RPS6KA5: variants seen among roughly 807,000 people sequenced by gnomAD.
The protein encoded by RPS6KA5 is ribosomal protein S6 kinase alpha-5.
Under a neutral mutation model 85.5 loss-of-function variants are expected in RPS6KA5, and 27 were observed. The ratio of observed to expected loss-of-function variants is 0.32; its 90% CI spans 0.23 to 0.44. The LOEUF (loss-of-function observed/expected upper bound fraction) is 0.44, where lower values mean the gene tolerates loss of function less well. RPS6KA5 is among the 20% of genes least tolerant of loss of function. RPS6KA5 has a pLI of 1.00. For synonymous variants in RPS6KA5, 334 were observed against 348.2 expected (o/e 0.96, Z 0.46); for missense variants, 811 against 980.9 (o/e 0.83, Z 2.31).
At chr14:90,946,643 G>T (rs1342973832) in intron 4 of RPS6KA5, among the ~76,000 whole-genome samples, 1 of 151,980 alleles carries the variant, frequency 6.6e-6, no homozygotes, top group Admixed American at 6.6e-5. Flanking sequence ...AATATAACAG[G>T]ACAAGGAAGG....
intron 1 of RPS6KA5, among the ~76,000 whole-genome samples, chr14:91,026,423 G>A (rs903257268): frequency 1.3e-5 from 2 of 151,986 alleles, no homozygotes; most frequent in African/African-American, 4.8e-5. Context: ...TAGAGACGAG[G>A]TCTCACAACA....
rs1055623726 is a variant in RPS6KA5 at position 90,871,040 on chromosome 14, T to C, written c.*1034A>G. On this transcript the variant is annotated 3_prime_UTR_variant, in exon 17 of 17. Coordinates refer to ENST00000614987, the MANE Select transcript of RPS6KA5 (RefSeq NM_004755.4). Reference sequence around the variant, plus strand: ...TGATTCTAAAATATTATGTACATAATATATGACTACAGGAGGAAATTCCTC... The same window carrying C: ...TGATTCTAAAATATTATGTACATAACATATGACTACAGGAGGAAATTCCTC... The C allele has an allele frequency of 6.6e-6, 1 of 152,508 alleles. No individual in the cohort carries two copies. Among genetic ancestry groups the C allele is most frequent in the Non-Finnish European group, 1.5e-5 (1 of 68,014 alleles). 9.4% of individuals were successfully genotyped at this position (152,508 alleles called of 1,614,324 possible).
intron 1 of RPS6KA5, among the ~76,000 whole-genome samples, chr14:91,049,329 AGTC>A (rs1359670694): frequency 1.3e-5 from 2 of 152,202 alleles, no homozygotes; most frequent in African/African-American, 4.8e-5. Flanking sequence ...AAAAGAGACA[AGTC>A]GGCCGGGCGC....
intron 3 of RPS6KA5, among the ~76,000 whole-genome samples, chr14:90,952,329 C>A (rs1416237294): frequency 6.6e-6 from 1 of 152,208 alleles, no homozygotes; most frequent in African/African-American, 2.4e-5. Context: ...AATGTTGGTT[C>A]GAGTTCAAGA....
intron 3 of RPS6KA5, among the ~76,000 whole-genome samples, chr14:90,956,096 G>T (rs981433094): frequency 6.6e-5 from 10 of 152,130 alleles, no homozygotes; most frequent in African/African-American, 2.4e-4. Context: ...AGATGACAAA[G>T]TATACAGGGG....
rs2140227886 is a variant in RPS6KA5 at position 90,900,230 on chromosome 14, G to A, written c.1257C>T (p.Phe419=). 6.3e-7 allele frequency: 1 copy of A among 1,586,360 alleles called. No homozygotes were observed. The highest frequency in any genetic ancestry group is 8.6e-7 in the Non-Finnish European group (1 of 1,166,158). The change falls in exon 11 of 17, where the codon TTC becomes TTT. Residue 419 remains phenylalanine, a synonymous_variant. Transcript: ENST00000614987. ...ARSAMMKDSP[F]YQHYDLDLKD... ...TCAAATCTAGGTCATAGTGTTGATA[G>A]AATGGAGAGTCCTGTCAAGAAATCA...
chr14:90,974,872 G>A (rs2039494433), intron 3 of RPS6KA5, among the ~76,000 whole-genome samples: 1 of 152,118 alleles, frequency 6.6e-6, no homozygotes, highest in Admixed American at 6.5e-5. Context: ...AATTTTAGGT[G>A]GTTTGTTATA....
chr14:90,991,762 A>G (rs373241029), intron 2 of RPS6KA5, among the ~76,000 whole-genome samples: 1 of 151,760 alleles, frequency 6.6e-6, no homozygotes. Context: ...GAAGAATCCA[A>G]AAAGAATCCA....
intron 1 of RPS6KA5, among the ~76,000 whole-genome samples, chr14:91,043,767 TCTTCTGTGA>T (rs2042690182): frequency 1.3e-5 from 2 of 152,200 alleles, no homozygotes; most frequent in African/African-American, 4.8e-5. Context: ...TGGTTCACTA[TCTTCTGTGA>T]CTTCTAAGGA....
At chr14:91,039,806 G>A (rs776735832) in intron 1 of RPS6KA5, among the ~76,000 whole-genome samples, 2 of 152,204 alleles carry the variant, frequency 1.3e-5, no homozygotes, top group Non-Finnish European at 2.9e-5. Context: ...CGCACCACAG[G>A]TGTCAAATAC....
At chr14:90,926,930 T>C (rs1156428722) in intron 5 of RPS6KA5, among the ~76,000 whole-genome samples, 1 of 152,066 alleles carries the variant, frequency 6.6e-6, no homozygotes, top group Non-Finnish European at 1.5e-5. Context: ...TAAGTAAATA[T>C]AAACAAGCAC....
chr14:90,883,007 A>C (rs994776658), intron 14 of RPS6KA5, among the ~76,000 whole-genome samples: 9 of 152,114 alleles, frequency 5.9e-5, no homozygotes, highest in Non-Finnish European at 8.8e-5. Context: ...CATGTTGGCC[A>C]GGGTGGTCTT....
chr14:90,957,976 T>C (rs992639096), intron 3 of RPS6KA5, among the ~76,000 whole-genome samples: 1 of 151,324 alleles, frequency 6.6e-6, no homozygotes, highest in Non-Finnish European at 1.5e-5. Flanking sequence ...ACCTCTTCCC[T>C]AGAAAAAAAA....
chr14:90,994,548 T>C (rs1454797845), intron 2 of RPS6KA5, among the ~76,000 whole-genome samples: 1 of 150,958 alleles, frequency 6.6e-6, no homozygotes, highest in Admixed American at 6.6e-5. Flanking sequence ...GCTTTGCTTC[T>C]TGGATGTTTG....
intron 5 of RPS6KA5, among the ~76,000 whole-genome samples, chr14:90,939,206 T>C (rs1020357695): frequency 2.0e-5 from 3 of 152,224 alleles, no homozygotes; most frequent in Non-Finnish European, 4.4e-5. Flanking sequence ...TTACAAGAGT[T>C]ACCTTTGTTC....
At chr14:90,938,924 T>A (rs1284945482) in intron 5 of RPS6KA5, among the ~76,000 whole-genome samples, 2 of 152,246 alleles carry the variant, frequency 1.3e-5, no homozygotes, top group Non-Finnish European at 1.5e-5. Flanking sequence ...AGCTCCTTCT[T>A]ACTTATGCAA....
intron 1 of RPS6KA5, among the ~76,000 whole-genome samples, chr14:91,020,565 TGTGTGTGTGTGTGTGTGTTTA>T (rs2139789124): frequency 1.4e-5 from 2 of 141,180 alleles, no homozygotes; most frequent in Admixed American, 1.4e-4. Flanking sequence ...TGTGTGTGTG[TGTGTGTGTGTGTGTGTGTTTA>T]TATGTGTATG....
chr14:90,984,689 A>C (rs1315976731), intron 2 of RPS6KA5, among the ~76,000 whole-genome samples: 1 of 152,174 alleles, frequency 6.6e-6, no homozygotes, highest in East Asian at 1.9e-4. Flanking sequence ...GCTTTTCCAA[A>C]TGTGTGGCTC....
intron 5 of RPS6KA5, among the ~76,000 whole-genome samples, chr14:90,938,263 T>C (rs2037382621): frequency 6.6e-6 from 1 of 152,204 alleles, no homozygotes; most frequent in South Asian, 2.1e-4. Context: ...ATGCAAGAGG[T>C]AGGCTCCCAT....
Sources: allele counts gnomAD v4.1 joint callset (sites outside exome capture counted in the v4.1 genomes callset), GRCh38; gene constraint gnomAD v4.1.1; transcripts MANE v1.5; gene names NCBI Gene and HGNC (gene_info 2026-07-23, HGNC 2026-07-21).